The following MSRA variants were observed in gnomAD, a reference collection of about 807,000 sequenced individuals.
MSRA encodes methionine sulfoxide reductase A, also known as mitochondrial peptide methionine sulfoxide reductase.
Under a neutral mutation model 31.3 loss-of-function variants are expected in MSRA, and 54 were observed. That is an observed-to-expected ratio of 1.73 (90% CI 1.39 to 2.17). The LOEUF (loss-of-function observed/expected upper bound fraction) is 2.17, where lower values mean the gene tolerates loss of function less well. Among genes scored for constraint, MSRA ranks in the 30% most tolerant of loss-of-function variants. The pLI is 0.00. For synonymous variants in MSRA, 169 were observed against 116.5 expected, an observed-to-expected ratio of 1.45 and a Z score of -2.90; for missense variants, 507 against 300.9, an observed-to-expected ratio of 1.69 and a Z score of -5.07.
chr8:10,174,330 C>T (rs181964328), intron 1 of MSRA, among the ~76,000 whole-genome samples: 1 of 152,154 alleles, frequency 6.6e-6, no homozygotes, highest in East Asian at 1.9e-4. Context: ...GAGCAGATGG[C>T]GTGCAGGTGA....
chr8:10,303,287 C>T (rs1275749682), intron 4 of MSRA, among the ~76,000 whole-genome samples: 1 of 152,196 alleles, frequency 6.6e-6, no homozygotes, highest in East Asian at 1.9e-4. Context: ...TCGTCAACTT[C>T]TCTCTCCATA....
chr8:10,238,966 C>T (rs1812176995), intron 2 of MSRA, among the ~76,000 whole-genome samples: 1 of 152,056 alleles, frequency 6.6e-6, no homozygotes, highest in African/African-American at 2.4e-5. Flanking sequence ...AAAAGCAAAT[C>T]AGATATGAGG....
chr8:10,217,150 A>G (rs1810062006), intron 2 of MSRA, among the ~76,000 whole-genome samples: 1 of 152,224 alleles, frequency 6.6e-6, no homozygotes, highest in South Asian at 2.1e-4. Flanking sequence ...GATTCTAAAA[A>G]TGTACACGTT....
chr8:10,078,564 C>T (rs913553989), intron 1 of MSRA, among the ~76,000 whole-genome samples: 5 of 152,218 alleles, frequency 3.3e-5, no homozygotes, highest in Admixed American at 6.5e-5. Flanking sequence ...TGCCTGTTTT[C>T]CAGAGATGGG....
At chr8:10,352,191 G>A (rs991069137) in intron 5 of MSRA, among the ~76,000 whole-genome samples, 6 of 152,194 alleles carry the variant, frequency 3.9e-5, no homozygotes, top group African/African-American at 1.4e-4. Flanking sequence ...ATAGCTGGAC[G>A]AGAAGGAGAT....
chr8:10,138,856 A>G (rs1802481595), intron 1 of MSRA, among the ~76,000 whole-genome samples: 1 of 152,170 alleles, frequency 6.6e-6, no homozygotes, highest in South Asian at 2.1e-4. Flanking sequence ...CACTCTTAAA[A>G]TGATAGCAGC....
At chr8:10,105,222 A>G (rs549538463) in intron 1 of MSRA, among the ~76,000 whole-genome samples, 1 of 152,200 alleles carries the variant, frequency 6.6e-6, no homozygotes, top group East Asian at 1.9e-4. Flanking sequence ...CCTTATGGCA[A>G]CTTTGGAAAT....
chr8:10,228,698 T>C (rs1184666243), intron 2 of MSRA, among the ~76,000 whole-genome samples: 1 of 152,150 alleles, frequency 6.6e-6, no homozygotes, highest in Non-Finnish European at 1.5e-5. Context: ...GAGTCTGCCT[T>C]GGTTCTATCT....
In MSRA at chr8:10,124,744, A is replaced by G. The variant is rs185905571; in HGVS notation, c.142+70086A>G. On this transcript the variant is annotated intron_variant, in intron 1 of 5. Coordinates refer to ENST00000317173, the MANE Select transcript of MSRA (RefSeq NM_012331.5). ...AAATCTATTATTCGAGGATGCAGAG[A>G]TGATTTTTTTTTGGTTGAGTTAAAC... Among the ~76,000 whole-genome samples the G allele has an allele frequency of 2.5e-3, 387 of 152,280 alleles. 1 individual carries two copies. Among genetic ancestry groups the G allele is most frequent in the Non-Finnish European group, 3.0e-3 (204 of 68,010 alleles).
At chr8:10,327,604 G>T (rs908648911) in intron 5 of MSRA, among the ~76,000 whole-genome samples, 1 of 152,040 alleles carries the variant, frequency 6.6e-6, no homozygotes, top group African/African-American at 2.4e-5. Context: ...GTTTTGTTGC[G>T]GGGAGGCGGG....
intron 5 of MSRA, among the ~76,000 whole-genome samples, chr8:10,415,242 G>A (rs777086511): frequency 2.0e-5 from 3 of 152,204 alleles, no homozygotes; most frequent in Non-Finnish European, 4.4e-5. Context: ...GGTAGAGAAG[G>A]AAGGACCCAT....
chr8:10,303,013 C>T (rs546430614), intron 4 of MSRA, among the ~76,000 whole-genome samples: 152 of 152,346 alleles, frequency 1.0e-3, no homozygotes, highest in African/African-American at 3.5e-3. Context: ...AGGGTGGTGA[C>T]AGCCAGTCGC....
intron 3 of MSRA, among the ~76,000 whole-genome samples, chr8:10,299,837 A>G (rs1299835021): frequency 6.6e-6 from 1 of 152,232 alleles, no homozygotes; most frequent in Non-Finnish European, 1.5e-5. Flanking sequence ...GCATCAAGAA[A>G]TTTAAAAATG....
At chr8:10,099,453 G>A (rs1222625577) in intron 1 of MSRA, among the ~76,000 whole-genome samples, 2 of 152,180 alleles carry the variant, frequency 1.3e-5, no homozygotes, top group Non-Finnish European at 2.9e-5. Context: ...ATTGATGAAT[G>A]TAGGTACCTT....
chr8:10,367,547 C>T lies in MSRA; in HGVS notation c.543+47558C>T, dbSNP rs149675242. On this transcript the variant is annotated intron_variant, in intron 5 of 5. Coordinates refer to ENST00000317173, the MANE Select transcript of MSRA (RefSeq NM_012331.5). ...CTCGTGTGCTAGTCACTGTACAAGG[C>T]ATGCACTGTAGGTCTTATCTCAGAT... Among the ~76,000 whole-genome samples the T allele has an allele frequency of 4.1e-4, 63 of 152,302 alleles. No individual in the cohort carries two copies. The South Asian group carries it at 4.6e-3, about 11-fold the overall frequency.
At chr8:10,254,968 T>G (rs1037157057) in intron 3 of MSRA, among the ~76,000 whole-genome samples, 1 of 152,250 alleles carries the variant, frequency 6.6e-6, no homozygotes, top group South Asian at 2.1e-4. Flanking sequence ...TTCCGGTGAT[T>G]TGTTTGAAAC....
At chr8:10,212,419 T>C (rs1454425247) in intron 2 of MSRA, among the ~76,000 whole-genome samples, 1 of 151,920 alleles carries the variant, frequency 6.6e-6, no homozygotes, top group Non-Finnish European at 1.5e-5. Flanking sequence ...TAAGTAGAAA[T>C]GGAAAAATAA....
At chr8:10,308,758 C>T (rs192190672) in intron 4 of MSRA, among the ~76,000 whole-genome samples, 150 of 152,330 alleles carry the variant, frequency 9.8e-4, no homozygotes, top group Admixed American at 2.9e-3. Context: ...TTTCTTGCCT[C>T]GCACACTGTT....
In MSRA at chr8:10,325,475, A is replaced by G. The variant is rs186588873; in HGVS notation, c.543+5486A>G. On this transcript the variant is annotated intron_variant, in intron 5 of 5. Coordinates refer to ENST00000317173, the MANE Select transcript of MSRA (RefSeq NM_012331.5). ...ATAGATCTTAGGTGTTTATCTGTGTACATATATTTGTTTAGCTGTAGATGT... is the reference window on the plus strand; with the variant it reads ...ATAGATCTTAGGTGTTTATCTGTGTGCATATATTTGTTTAGCTGTAGATGT... Among the ~76,000 whole-genome samples the G allele has an allele frequency of 7.7e-3, 1,177 of 152,254 alleles. 18 individuals are homozygous for G. Among genetic ancestry groups the G allele is most frequent in the African/African-American group, 0.027 (1,142 of 41,546 alleles).
Sources: gnomAD v4.1 joint callset for allele counts (sites outside exome capture counted in the v4.1 genomes callset) on GRCh38, gnomAD v4.1.1 for gene constraint, MANE v1.5 for transcripts, NCBI Gene and HGNC (gene_info 2026-07-23, HGNC 2026-07-21) for gene names.